The following PAX9 variants were observed in gnomAD, a reference collection of about 807,000 sequenced individuals.
PAX9 encodes paired box 9.
In PAX9, 6 loss-of-function variants were observed where a neutral mutation model predicts 29.1. The observed-to-expected ratio is 0.21, with a 90% CI of 0.11 to 0.41. The LOEUF is 0.41. PAX9 is among the 10% of genes least tolerant of loss of function. PAX9 has a pLI of 1.00. For missense variants in PAX9, 443 were observed against 479.1 expected (o/e 0.92, Z 0.70); for synonymous variants, 217 against 211.7 (o/e 1.03, Z -0.22).
At chr14:36,660,967 A>C (rs1438496541), upstream of PAX9, among the ~76,000 whole-genome samples, 1 of 152,228 alleles carries the variant, frequency 6.6e-6, no homozygotes, top group Non-Finnish European at 1.5e-5. Context: ...CTTGGGACTA[A>C]GTCTCTTTCA....
At chr14:36,667,288 C>G (rs1197530682) in intron 3 of PAX9, among the ~76,000 whole-genome samples, 2 of 152,090 alleles carry the variant, frequency 1.3e-5, no homozygotes, top group Non-Finnish European at 2.9e-5. Context: ...CTCCGTCCCT[C>G]CCTCATGTCT....
intron 1 of PAX9, 164 bp from the exon 2 acceptor site, chr14:36,662,733 C>A: frequency 1.2e-6 from 1 of 803,474 alleles, no homozygotes; most frequent in Non-Finnish European, 2.0e-6. Flanking sequence ...CGGTTTGGGG[C>A]CGTTCGGCTA....
chr14:36,673,537 G>A (rs1881773595), intron 3 of PAX9, among the ~76,000 whole-genome samples: 1 of 5,110 alleles, frequency 2.0e-4, no homozygotes, highest in East Asian at 1.1e-3. Context: ...TTCCAAGTGG[G>A]TCCATGTAAG....
intron 2 of PAX9, among the ~76,000 whole-genome samples, chr14:36,664,985 C>T (rs1358418551): frequency 6.6e-6 from 1 of 152,074 alleles, no homozygotes; most frequent in East Asian, 1.9e-4. Flanking sequence ...AGTGTGAGAT[C>T]AGCAGAAATG....
intron 3 of PAX9, among the ~76,000 whole-genome samples, chr14:36,673,489 A>G (rs2139120195): frequency 9.9e-6 from 1 of 100,620 alleles, no homozygotes; most frequent in Non-Finnish European, 2.2e-5. Flanking sequence ...ACATTATCTA[A>G]GATAAAAGTT....
upstream of PAX9, among the ~76,000 whole-genome samples, chr14:36,658,374 G>GGT (rs1555316241): frequency 6.4e-4 from 57 of 89,600 alleles, no homozygotes; most frequent in African/African-American, 3.3e-3. Flanking sequence ...GGCCTCGCTT[G>GGT]GGGGGGGGGG....
rs748445890 is a variant in PAX9, at chr14:36,663,511, A to G, written c.619A>G (p.Ile207Val). The G allele has an allele frequency of 8.1e-6, 13 of 1,612,748 alleles. No individual in the cohort carries two copies. The highest frequency in any genetic ancestry group is 1.1e-5 in the Non-Finnish European group (13 of 1,179,910). ...CACCGACATCCTGGGCATCCGCTCC[A>G]TCACCGACCAAGGTAGGGGCTCAGA... ...SVTDILGIRS[I>V]TDQVSDSSPY... The change falls in exon 2 of 4, where the codon ATC becomes GTC. Residue 207 changes from isoleucine (I) to valine (V), a missense_variant. This residue lies in a region of PAX9 where 336 missense variants were observed against 317.2 expected (regional missense o/e 1.06). Transcript: ENST00000361487.
chr14:36,660,687 G>C (rs1881223649), upstream of PAX9, among the ~76,000 whole-genome samples: 1 of 152,212 alleles, frequency 6.6e-6, no homozygotes. Flanking sequence ...GGATTGTCAA[G>C]TAGCAGTAAC....
In PAX9 at chr14:36,679,357, T is replaced by A; in HGVS notation, c.*2905T>A. The A allele has an allele frequency of 1.0e-6, 1 of 973,716 alleles. No homozygotes were observed. The highest frequency in any genetic ancestry group is 1.8e-5 in the African/African-American group (1 of 57,010). 60.3% of individuals were successfully genotyped at this position (973,716 alleles called of 1,614,324 possible). On this transcript the variant is annotated 3_prime_UTR_variant, in exon 4 of 4. Transcript: ENST00000361487. ...AATGCTCTAAATTAATAAAAAGTAA[T>A]AATTACCATGTTATCTTTTACTTTT...
intron 3 of PAX9, among the ~76,000 whole-genome samples, chr14:36,668,977 T>G (rs1594471291): frequency 1.3e-5 from 2 of 152,304 alleles, no homozygotes; most frequent in East Asian, 3.9e-4. Flanking sequence ...TAAAAATATT[T>G]ATATGAAACT....
intron 3 of PAX9, among the ~76,000 whole-genome samples, chr14:36,673,764 C>A (rs17176643): frequency 0.3 from 45,748 of 152,084 alleles, 8,198 homozygotes; most frequent in Admixed American, 0.49. Flanking sequence ...GCCAACAGTT[C>A]TGTTCTGCTA....
At chr14:36,668,706 C>T (rs1881598832) in intron 3 of PAX9, among the ~76,000 whole-genome samples, 1 of 151,976 alleles carries the variant, frequency 6.6e-6, no homozygotes, top group Non-Finnish European at 1.5e-5. Context: ...ATTTTCTCTT[C>T]CTTGAATTAT....
At chr14:36,661,580 A>T (rs1293007078), upstream of PAX9, 2 of 182,676 alleles carry the variant, frequency 1.1e-5, no homozygotes, top group Non-Finnish European at 2.3e-5. Flanking sequence ...CCTTCGAGTC[A>T]TTCACATTCA....
Position 36,663,177 on chromosome 14 carries a change from C to T in PAX9, c.285C>T (p.Pro95=), listed in dbSNP as rs935569326. ...KHIRTYKQRD[P]GIFAWEIRDR... is the part of the protein sequence containing the mutation. ...TCCGGACCTACAAGCAGAGAGACCCCGGCATCTTCGCCTGGGAGATCCGGG... is the reference window on the plus strand; with the variant it reads ...TCCGGACCTACAAGCAGAGAGACCCTGGCATCTTCGCCTGGGAGATCCGGG... The change falls in exon 2 of 4, where the codon CCC becomes CCT. Residue 95 remains proline, a synonymous_variant. Coordinates refer to ENST00000361487, the MANE Select transcript of PAX9 (RefSeq NM_001372076.1). 3.1e-6 allele frequency: 5 copies of T among 1,614,108 alleles called. No homozygotes were observed. The highest frequency in any genetic ancestry group is 2.2e-5 in the South Asian group (2 of 91,086).
upstream of PAX9, among the ~76,000 whole-genome samples, chr14:36,661,483 G>C (rs1881263052): frequency 6.6e-6 from 1 of 152,170 alleles, no homozygotes; most frequent in African/African-American, 2.4e-5. Flanking sequence ...CCCTGTGCAC[G>C]GTGGCGCCCG....
At chr14:36,669,916 A>G (rs1881643216) in intron 3 of PAX9, among the ~76,000 whole-genome samples, 2 of 152,052 alleles carry the variant, frequency 1.3e-5, no homozygotes, top group Admixed American at 1.3e-4. Flanking sequence ...GGCTAGAAGT[A>G]CTTAATTCCA....
chr14:36,672,955 T>C (rs962565620), intron 3 of PAX9, among the ~76,000 whole-genome samples: 1 of 134,722 alleles, frequency 7.4e-6, no homozygotes, highest in South Asian at 2.6e-4. Context: ...AACTTCCGAC[T>C]CCCGGGTTCA....
chr14:36,675,373 C>T (rs1186067587), intron 3 of PAX9, among the ~76,000 whole-genome samples: 1 of 152,136 alleles, frequency 6.6e-6, no homozygotes, highest in African/African-American at 2.4e-5. Flanking sequence ...GCTCGCCTGC[C>T]GGGACTGCTG....
At chr14:36,676,061 A>AT (rs1191069572) in intron 3 of PAX9, 137 bp from the exon 4 acceptor site, 30 of 791,522 alleles carry the variant, frequency 3.8e-5, no homozygotes, top group Admixed American at 2.1e-4. Context: ...TAAAGCTCAA[A>AT]TTTTTTTAAA....
Sources: allele counts gnomAD v4.1 joint callset (sites outside exome capture counted in the v4.1 genomes callset), GRCh38; gene constraint gnomAD v4.1.1; regional missense constraint gnomAD v4.1.1; transcripts MANE v1.5; gene names NCBI Gene and HGNC (gene_info 2026-07-23, HGNC 2026-07-21).